Variants in TMLHE observed in about 807,000 individuals in gnomAD.
TMLHE encodes the protein trimethyllysine dioxygenase, mitochondrial.
TMLHE carries 18 observed loss-of-function variants against 25.7 expected under a neutral mutation model. The ratio of observed to expected loss-of-function variants is 0.70; its 90% confidence interval spans 0.48 to 1.04. TMLHE has a LOEUF of 1.04. Ranked by LOEUF, TMLHE falls within the 50% of genes least tolerant of loss-of-function variation. TMLHE has a pLI of 0.00. For synonymous variants in TMLHE, 105 were observed against 97.0 expected (o/e 1.08, Z -0.49); for missense variants, 236 against 259.0 (o/e 0.91, Z 0.61).
At chrX:155,592,505 T>G (rs2067699117) in intron 1 of TMLHE, among the ~76,000 whole-genome samples, 1 of 111,611 alleles carries the variant, frequency 9.0e-6, no homozygotes, top group Non-Finnish European at 1.9e-5. Flanking sequence ...TCAAGGCATC[T>G]CCTACTCCCC....
chrX:155,599,602 G>A (rs782131172), intron 1 of TMLHE, among the ~76,000 whole-genome samples: 27 of 112,109 alleles, frequency 2.4e-4, no homozygotes, highest in Non-Finnish European at 4.7e-4. Context: ...GGCATAGAAT[G>A]GAACTTCCTT....
chrX:155,586,096 G>C (rs1471468422), intron 1 of TMLHE, among the ~76,000 whole-genome samples: 1 of 110,065 alleles, frequency 9.1e-6, no homozygotes, highest in Non-Finnish European at 1.9e-5. Context: ...GCATGGTGGT[G>C]CATGCCTGTA....
chrX:155,597,782 A>G (rs1225616143), intron 1 of TMLHE, among the ~76,000 whole-genome samples: 1 of 111,001 alleles, frequency 9.0e-6, no homozygotes, highest in African/African-American at 3.3e-5. Flanking sequence ...CTCAACTGGT[A>G]AGCATGTAAT....
At chrX:155,596,000 A>G (rs1301836678) in intron 1 of TMLHE, among the ~76,000 whole-genome samples, 1 of 111,642 alleles carries the variant, frequency 9.0e-6, no homozygotes, top group Admixed American at 9.6e-5. Context: ...CAAGGTTTTA[A>G]TGTTAATAAA....
chrX:155,545,032 G>T, intron 2 of TMLHE, 64 bp downstream of exon 2: 1 of 1,130,123 alleles, frequency 8.8e-7, no homozygotes, highest in East Asian at 3.0e-5. Flanking sequence ...TGATATATGT[G>T]CTGCCAAAGC....
intron 5 of TMLHE, among the ~76,000 whole-genome samples, chrX:155,510,058 C>T (rs184155727): frequency 2.2e-3 from 244 of 111,131 alleles, no homozygotes; most frequent in African/African-American, 7.7e-3. Flanking sequence ...GTTTGCATGA[C>T]GACCCTTTTG....
chrX:155,577,566 C>G (rs1277483395), intron 1 of TMLHE, among the ~76,000 whole-genome samples: 2 of 106,248 alleles, frequency 1.9e-5, no homozygotes, highest in Non-Finnish European at 3.9e-5. Flanking sequence ...GGCAACAAAG[C>G]GAGACTCTGT....
rs782078215 is a variant in TMLHE, at chrX:155,511,739, T to A, written c.692A>T (p.Asp231Val). 24 of 1,199,346 alleles carry A rather than the reference T, an allele frequency of 2.0e-5. No homozygotes were observed. In the Admixed American group the frequency reaches 5.3e-4, roughly 26 times the overall value. ...WYFTSDFSRGDTAYTKLALDR... is the reference protein window; with the variant it reads ...WYFTSDFSRGVTAYTKLALDR... ...CAGAGCTAGCTTGGTGTACGCAGTG[T>A]CACCTCTGGAGAAGTCTGAAGTGAA... Residue 231 changes from aspartate (D) to valine (V), a missense_variant, in exon 5 of 8, where the codon GAC becomes GTC. Physicochemically the swap from Asp to Val is radical, Grantham distance 152. Around this residue, in one of 2 missense-constraint regions of TMLHE, gnomAD observed 217 missense variants for 214.6 expected, o/e 1.01. Coordinates refer to ENST00000334398, the MANE Select transcript of TMLHE (RefSeq NM_018196.4).
Position 155,561,650 on chromosome X carries a change from C to A in TMLHE, c.-1-16373G>T, listed in dbSNP as rs1218119940. Among the ~76,000 whole-genome samples the A allele has an allele frequency of 4.8e-5, 3 of 61,920 alleles. 1 individual carries two copies. The highest frequency in any genetic ancestry group is 1.1e-4 in the African/African-American group (3 of 27,916). 53.8% of individuals were successfully genotyped at this position (61,920 alleles called of 115,157 possible). A position where few individuals can be genotyped will look rare whatever the true frequency, so the allele number is the denominator to read the frequency against. ...TCCTTCTGCTATGATCCCATAAAAT[C>A]AAAAACAAGTTAGTCACTTCCAAGA... is the stretch of plus-strand genomic sequence containing the variant. On this transcript the variant is annotated intron_variant, in intron 1 of 7. Coordinates refer to ENST00000334398, the MANE Select transcript of TMLHE (RefSeq NM_018196.4).
At chrX:155,524,418 A>G in intron 3 of TMLHE, 38 bp downstream of exon 3, 1 of 1,038,874 alleles carries the variant, frequency 9.6e-7, no homozygotes, top group Non-Finnish European at 1.3e-6. Context: ...CCTTCAGAAG[A>G]GTACCCCCAA....
intron 2 of TMLHE, among the ~76,000 whole-genome samples, chrX:155,538,671 T>G (rs2067294012): frequency 8.9e-6 from 1 of 111,781 alleles, no homozygotes; most frequent in African/African-American, 3.3e-5. Flanking sequence ...ATCACTTACC[T>G]GCATCTGTGC....
chrX:155,603,341 A>AAAAG, intron 1 of TMLHE, among the ~76,000 whole-genome samples: 1 of 98,491 alleles, frequency 1.0e-5, no homozygotes, highest in African/African-American at 3.6e-5. Context: ...AGAAAGAAAG[A>AAAAG]AAAGAAAGAA....
intron 1 of TMLHE, among the ~76,000 whole-genome samples, chrX:155,548,532 G>A (rs1416574794): frequency 1.9e-5 from 2 of 107,436 alleles, no homozygotes; most frequent in Non-Finnish European, 3.8e-5. Flanking sequence ...TCAGCAGTAT[G>A]AGGCCAGCCT....
intron 2 of TMLHE, among the ~76,000 whole-genome samples, chrX:155,544,646 ACTTT>A (rs1409077954): frequency 8.9e-6 from 1 of 112,216 alleles, no homozygotes; most frequent in African/African-American, 3.2e-5. Context: ...GCCAACTAAT[ACTTT>A]CTGTGGTTCT....
Position 155,506,888 on chromosome X carries a change from T to C in TMLHE, c.995+10A>G. On this transcript the variant is annotated intron_variant, in intron 6 of 7. Coordinates refer to ENST00000334398, the MANE Select transcript of TMLHE (RefSeq NM_018196.4). ...TATATTACAGTTGGGGATAGTTCTT[T>C]GATACTCACCTGATCAAATACAGCT... 2 of 1,193,709 alleles carry C rather than the reference T, an allele frequency of 1.7e-6. No individual in the cohort carries two copies. Among genetic ancestry groups the C allele is most frequent in the Non-Finnish European group, 2.3e-6 (2 of 879,592 alleles).
At chrX:155,560,106 G>A (rs970427572) in intron 1 of TMLHE, among the ~76,000 whole-genome samples, 3 of 111,827 alleles carry the variant, frequency 2.7e-5, no homozygotes, top group African/African-American at 9.7e-5. Flanking sequence ...AGAGGCAAAG[G>A]TTTGAGCCAT....
At chrX:155,504,442 T>A (rs1379134279) in intron 6 of TMLHE, among the ~76,000 whole-genome samples, 1 of 97,680 alleles carries the variant, frequency 1.0e-5, no homozygotes, top group Non-Finnish European at 2.1e-5. Context: ...GTTTTCATCA[T>A]GGGGGCAGGT....
intron 2 of TMLHE, among the ~76,000 whole-genome samples, chrX:155,525,298 C>T (rs2067212798): frequency 9.0e-6 from 1 of 111,552 alleles, no homozygotes; most frequent in African/African-American, 3.3e-5. Flanking sequence ...TACACTTCTG[C>T]CTTCACTTTC....
chrX:155,559,933 C>G (rs2067483415), intron 1 of TMLHE, among the ~76,000 whole-genome samples: 1 of 112,629 alleles, frequency 8.9e-6, no homozygotes, highest in Non-Finnish European at 1.9e-5. Context: ...CAAATGTCAC[C>G]TTCTTCGTAA....
Sources: allele counts gnomAD v4.1 joint callset (sites outside exome capture counted in the v4.1 genomes callset), GRCh38; gene constraint gnomAD v4.1.1; regional missense constraint gnomAD v4.1.1; transcripts MANE v1.5; gene names NCBI Gene and HGNC (gene_info 2026-07-23, HGNC 2026-07-21).